Variants in FLNB observed in about 807,000 individuals in gnomAD.
The protein encoded by FLNB is filamin-B.
A neutral mutation model predicts 250.6 loss-of-function variants in FLNB; 111 were observed. That is an observed-to-expected ratio of 0.44 (90% CI 0.38 to 0.52). FLNB has a LOEUF of 0.52. Among genes scored for constraint, FLNB ranks in the 20% least tolerant of loss-of-function variants. The pLI, the probability that FLNB is intolerant of heterozygous loss-of-function variation, is 0.00. For synonymous variants in FLNB, 1,302 were observed against 1,372.1 expected, an observed-to-expected ratio of 0.95 and a Z score of 1.13; for missense variants, 2,869 against 3,447.8, an observed-to-expected ratio of 0.83 and a Z score of 4.20.
chr3:58,145,589 G>A (rs952557971), intron 32 of FLNB, among the ~76,000 whole-genome samples: 2 of 152,172 alleles, frequency 1.3e-5, no homozygotes, highest in Admixed American at 1.3e-4. Flanking sequence ...CTTCCCTCTG[G>A]CCATGGGTCC....
chr3:58,121,394 T>A lies in FLNB; in HGVS notation c.3017T>A (p.Phe1006Tyr). 2 of 1,614,106 alleles carry A rather than the reference T, an allele frequency of 1.2e-6. No individual in the cohort carries two copies. The highest frequency in any genetic ancestry group is 1.1e-5 in the South Asian group (1 of 91,060). The change falls in exon 20 of 46, where the codon TTC becomes TAC. Residue 1006 changes from phenylalanine to tyrosine, a missense_variant. Phe to Tyr is a conservative substitution (Grantham distance 22). Coordinates refer to ENST00000295956, the MANE Select transcript of FLNB (RefSeq NM_001457.4). ...VTGRENSTAK[F>Y]IPREEGLYAV... is the part of the protein sequence containing the mutation. Reference sequence around the variant, plus strand: ...GGCCGGGAGAACAGCACGGCCAAGTTCATCCCTCGGGAGGAGGGGCTGTAT... The same window carrying A: ...GGCCGGGAGAACAGCACGGCCAAGTACATCCCTCGGGAGGAGGGGCTGTAT...
chr3:58,100,373 A>AAAAAATATATATATATATAT lies in FLNB; in HGVS notation c.1345+1466_1345+1467insAAAATATATATATATATATA. Reference sequence around the variant, plus strand: ...AATGATTTTACATATGTAAAAAAAAAATATATATATATTTGCAGGGGCGCG... The same window carrying AAAAAATATATATATATATAT: ...AATGATTTTACATATGTAAAAAAAAAAAAAATATATATATATATATATATATATATATTTGCAGGGGCGCG... On this transcript the variant is annotated intron_variant, in intron 8 of 45. Transcript: ENST00000295956. 1.8e-3 allele frequency among the ~76,000 whole-genome samples: 186 copies of AAAAAATATATATATATATAT among 104,326 alleles called. 1 individual carries two copies. Among genetic ancestry groups the AAAAAATATATATATATATAT allele is most frequent in the African/African-American group, 5.5e-3 (121 of 21,906 alleles). 68.4% of individuals were successfully genotyped at this position (104,326 alleles called of 152,430 possible). A position where few individuals can be genotyped will look rare whatever the true frequency, so the allele number is the denominator to read the frequency against.
chr3:58,041,721 G>A (rs1157168463), intron 1 of FLNB, among the ~76,000 whole-genome samples: 1 of 152,144 alleles, frequency 6.6e-6, no homozygotes, highest in Non-Finnish European at 1.5e-5. Flanking sequence ...ATGTGCTTGG[G>A]TCACCTGGGT....
intron 3 of FLNB, among the ~76,000 whole-genome samples, chr3:58,080,791 C>CTT (rs10628113): frequency 0.14 from 19,544 of 136,878 alleles, 2,914 homozygotes; most frequent in African/African-American, 0.36. Flanking sequence ...TGCGTCTGGC[C>CTT]TTTTTTTTTT....
At chr3:58,168,043 G>A (rs1474798305) in intron 43 of FLNB, among the ~76,000 whole-genome samples, 1 of 152,184 alleles carries the variant, frequency 6.6e-6, no homozygotes, top group Non-Finnish European at 1.5e-5. Flanking sequence ...GAGAAGAAAG[G>A]ACAGTCAGAG....
intron 1 of FLNB, among the ~76,000 whole-genome samples, chr3:58,070,267 A>C (rs541771448): frequency 3.7e-4 from 55 of 150,154 alleles, no homozygotes; most frequent in Non-Finnish European, 5.5e-4. Flanking sequence ...CTGGTCTCGA[A>C]CTCCTGACCT....
At chr3:58,069,232 C>CTTTTTTT (rs59689498) in intron 1 of FLNB, among the ~76,000 whole-genome samples, 2 of 86,384 alleles carry the variant, frequency 2.3e-5, no homozygotes, top group Non-Finnish European at 4.4e-5. Context: ...TAGTTCAATT[C>CTTTTTTT]TTTTTTTTTT....
At chr3:58,023,482 G>GA (rs767633795) in intron 1 of FLNB, among the ~76,000 whole-genome samples, 38 of 152,158 alleles carry the variant, frequency 2.5e-4, no homozygotes, top group Non-Finnish European at 3.7e-4. Context: ...AAAATATAAA[G>GA]AAAAAAATCA....
At chr3:58,098,672 A>G in intron 7 of FLNB, 39 bp from the exon 8 acceptor site, 3 of 1,604,908 alleles carry the variant, frequency 1.9e-6, no homozygotes, top group Non-Finnish European at 2.6e-6. Context: ...GCTTTCAGAG[A>G]GGGTGACTTG....
Position 58,109,671 on chromosome 3 carries a change from C to G in FLNB, c.2295C>G (p.Phe765Leu), listed in dbSNP as rs2107119829. 6.2e-7 allele frequency: 1 copy of G among 1,614,100 alleles called. No homozygotes were observed. Among genetic ancestry groups the G allele is most frequent in the Middle Eastern group, 1.6e-4 (1 of 6,062 alleles). Residue 765 changes from phenylalanine (F) to leucine (L), a missense_variant, in exon 15 of 46, where the codon TTC becomes TTG. Phe to Leu is a conservative substitution (Grantham distance 22). Around this residue, in one of 5 missense-constraint regions of FLNB, gnomAD observed 1,348 missense variants for 1,466.7 expected, o/e 0.92. Coordinates refer to ENST00000295956, the MANE Select transcript of FLNB (RefSeq NM_001457.4). ...SGLKANEPTH[F>L]TVDCTEAGEG... Reference sequence around the variant, plus strand: ...TGAAGGCAAATGAACCTACACACTTCACGGTGGACTGTACTGAGGCTGGGG... The same window carrying G: ...TGAAGGCAAATGAACCTACACACTTGACGGTGGACTGTACTGAGGCTGGGG...
chr3:58,130,687 A>G, intron 24 of FLNB, 54 bp from the exon 25 acceptor site: 3 of 1,582,710 alleles, frequency 1.9e-6, no homozygotes, highest in Non-Finnish European at 2.6e-6. Context: ...GGGTGTGCAC[A>G]AGGTGGTCTC....
rs754778576 is a variant in FLNB, at chr3:58,110,020, T to C, written c.2334T>C (p.Ser778=). The part of the protein sequence containing the change: ...DCTEAGEGDV[S]VGIKCDARVL... ...GCTGGTCTGTTCCAGGTGATGTCAGTGTTGGCATTAAGTGTGATGCCCGGG... is the reference window on the plus strand; with the variant it reads ...GCTGGTCTGTTCCAGGTGATGTCAGCGTTGGCATTAAGTGTGATGCCCGGG... The change falls in exon 16 of 46, where the codon AGT becomes AGC. Residue 778 remains serine, a synonymous_variant. Coordinates refer to ENST00000295956, the MANE Select transcript of FLNB (RefSeq NM_001457.4). 1.9e-6 allele frequency: 3 copies of C among 1,614,190 alleles called. No homozygotes were observed. The highest frequency in any genetic ancestry group is 1.1e-5 in the South Asian group (1 of 91,084).
intron 1 of FLNB, among the ~76,000 whole-genome samples, chr3:58,062,745 A>G (rs2097180343): frequency 1.3e-5 from 2 of 152,144 alleles, no homozygotes; most frequent in Non-Finnish European, 2.9e-5. Context: ...GCTGTGTCCC[A>G]TTAGGGACCC....
chr3:58,096,243 G>C, intron 6 of FLNB, 25 bp downstream of exon 6: 1 of 1,547,790 alleles, frequency 6.5e-7, no homozygotes, highest in Non-Finnish European at 8.9e-7. Flanking sequence ...CATGGCTGTG[G>C]CTTGGGCTGC....
rs2097269953 is a variant in FLNB, at chr3:58,112,165, A to G, written c.2592A>G (p.Lys864=). ...GLSKAGVENG[K]PTHFTVYTKG... ...TCTTTCCAGGTGTGGAAAATGGGAA[A>G]CCGACCCACTTCACTGTCTACACCA... Residue 864 remains lysine (K), a synonymous_variant, in exon 18 of 46, where the codon AAA becomes AAG. Coordinates refer to ENST00000295956, the MANE Select transcript of FLNB (RefSeq NM_001457.4). 1.2e-6 allele frequency: 2 copies of G among 1,614,078 alleles called. No individual in the cohort carries two copies. The highest frequency in any genetic ancestry group is 1.7e-5 in the Admixed American group (1 of 60,008).
In FLNB at chr3:58,164,889, A is replaced by C. The variant is rs1241202450; in HGVS notation, c.7198+1559A>C. The C allele has an allele frequency of 6.6e-6, 1 of 152,494 alleles. No homozygotes were observed. The highest frequency in any genetic ancestry group is 1.5e-5 in the Non-Finnish European group (1 of 68,262). The allele number at this position is 152,494 out of a possible 1,614,324, so 9.4% of individuals were successfully genotyped here. A position where few individuals can be genotyped will look rare whatever the true frequency, so the allele number is the denominator to read the frequency against. The stretch of plus-strand genomic sequence containing the variant: ...GAGGCAGAACCAGGAATCAGTCTAC[A>C]TCCGTGACCTCAGAGCCTATGCGCT... On this transcript the variant is annotated intron_variant, in intron 43 of 45. Transcript: ENST00000295956. This position sits in a 1 kb window ranked among gnomAD's most constrained non-coding sequence, Gnocchi z 4.0.
chr3:58,167,698 G>A (rs964199689), intron 43 of FLNB, among the ~76,000 whole-genome samples: 1 of 152,220 alleles, frequency 6.6e-6, no homozygotes, highest in Non-Finnish European at 1.5e-5. Flanking sequence ...ATGCAGACAT[G>A]GTTCAAACCC....
At chr3:58,097,435 AAC>A (rs1377980983) in intron 6 of FLNB, among the ~76,000 whole-genome samples, 5 of 152,232 alleles carry the variant, frequency 3.3e-5, no homozygotes, top group Admixed American at 2.0e-4. Context: ...CCCTTGAAAA[AAC>A]AGTTTGGCTG....
At chr3:58,025,229 A>G (rs2097121925) in intron 1 of FLNB, among the ~76,000 whole-genome samples, 1 of 145,660 alleles carries the variant, frequency 6.9e-6, no homozygotes, top group Non-Finnish European at 1.5e-5. Context: ...TCCAGGACTC[A>G]GGTGATCCTC....
Sources: allele counts gnomAD v4.1 joint callset (sites outside exome capture counted in the v4.1 genomes callset), GRCh38; gene constraint gnomAD v4.1.1; regional missense constraint gnomAD v4.1.1; non-coding constraint Gnocchi (gnomAD v3.1); transcripts MANE v1.5; gene names NCBI Gene and HGNC (gene_info 2026-07-23, HGNC 2026-07-21).